The following ESCO1 variants were observed in gnomAD, a reference collection of about 807,000 sequenced individuals.
The protein encoded by ESCO1 is N-acetyltransferase ESCO1.
Under a neutral mutation model 83.5 loss-of-function variants are expected in ESCO1, and 33 were observed. That is an observed-to-expected ratio of 0.40 (90% CI 0.30 to 0.53). The LOEUF (loss-of-function observed/expected upper bound fraction) is 0.53. ESCO1 is among the 20% of genes least tolerant of loss of function. ESCO1 has a pLI of 0.63. For missense variants in ESCO1, 855 were observed against 968.0 expected, an observed-to-expected ratio of 0.88 and a Z score of 1.55; for synonymous variants, 332 against 324.3, an observed-to-expected ratio of 1.02 and a Z score of -0.25.
chr18:21,564,673 GGCGTGAGCCACCGCGCCC>G (rs2146202057), intron 6 of ESCO1, among the ~76,000 whole-genome samples: 1 of 152,052 alleles, frequency 6.6e-6, no homozygotes, highest in South Asian at 2.1e-4. Flanking sequence ...TGGGATTACA[GGCGTGAGCCACCGCGCCC>G]GGCAAAAATA....
At chr18:21,596,670 A>C (rs970614772) in intron 1 of ESCO1, among the ~76,000 whole-genome samples, 1 of 152,006 alleles carries the variant, frequency 6.6e-6, no homozygotes, top group African/African-American at 2.4e-5. Context: ...CCGTCTCCAC[A>C]AAAATATAAA....
chr18:21,537,197 G>A (rs1027070908), intron 9 of ESCO1, among the ~76,000 whole-genome samples: 3 of 152,160 alleles, frequency 2.0e-5, no homozygotes, highest in African/African-American at 7.2e-5. Flanking sequence ...ACTGTTTGCA[G>A]GCAACCAAAA....
intron 6 of ESCO1, among the ~76,000 whole-genome samples, 172 bp downstream of exon 6, chr18:21,565,974 T>C (rs2038254420): frequency 6.6e-6 from 1 of 151,630 alleles, no homozygotes; most frequent in Admixed American, 6.6e-5. Flanking sequence ...GGTAGTAGGG[T>C]AGAAAAAATG....
chr18:21,530,571 T>G, intron 11 of ESCO1, 81 bp from the exon 12 acceptor site: 14 of 1,329,830 alleles, frequency 1.1e-5, no homozygotes, highest in Non-Finnish European at 1.0e-5. Flanking sequence ...AAAACTGGAA[T>G]AACCTGTCAA....
At chr18:21,598,672 A>T (rs1447354273) in intron 1 of ESCO1, among the ~76,000 whole-genome samples, 1 of 152,126 alleles carries the variant, frequency 6.6e-6, no homozygotes, top group Non-Finnish European at 1.5e-5. Context: ...ACTGCCCTCC[A>T]GCCCGGACGA....
intron 10 of ESCO1, among the ~76,000 whole-genome samples, chr18:21,535,390 T>C (rs12373236): frequency 7.7e-5 from 11 of 143,764 alleles, no homozygotes; most frequent in Non-Finnish European, 9.4e-5. Context: ...ATTTTTTTTT[T>C]TCTTTTTTTT....
At chr18:21,566,068 C>G in intron 6 of ESCO1, 78 bp downstream of exon 6, 3 of 1,354,800 alleles carry the variant, frequency 2.2e-6, no homozygotes, top group Non-Finnish European at 3.1e-6. Flanking sequence ...ACTAGCATAA[C>G]TTTTTAGGGA....
At chr18:21,541,196 TA>T (rs2037901161) in intron 8 of ESCO1, among the ~76,000 whole-genome samples, 1 of 152,250 alleles carries the variant, frequency 6.6e-6, no homozygotes, top group Admixed American at 6.5e-5. Context: ...TTATGATTGG[TA>T]AAATGTTCTC....
At position 21,574,735 on chromosome 18, in the gene ESCO1, T is replaced by G; in HGVS notation, c.109A>C (p.Lys37Gln). Reference sequence around the variant, plus strand: ...ATAGTCTCCTTTGGACCTGATTTTTTTGCTAGATTCTTTTGAGAATCCTGA... The same window carrying G: ...ATAGTCTCCTTTGGACCTGATTTTTGTGCTAGATTCTTTTGAGAATCCTGA... The part of the protein sequence containing the change: ...EIQDSQKNLA[K>Q]KSGPKETIKS... Residue 37 changes from lysine to glutamine, a missense_variant, in exon 4 of 12, where the codon AAA becomes CAA. By Grantham distance (53) the Lys-to-Gln change is moderately conservative. Around this residue, in one of 2 missense-constraint regions of ESCO1, gnomAD observed 726 missense variants for 699.5 expected, o/e 1.04. Transcript: ENST00000269214. The G allele has an allele frequency of 6.2e-7, 1 of 1,611,186 alleles. No homozygotes were observed. Among genetic ancestry groups the G allele is most frequent in the South Asian group, 1.1e-5 (1 of 90,806 alleles).
At chr18:21,591,373 G>A (rs2038665442) in intron 1 of ESCO1, among the ~76,000 whole-genome samples, 1 of 152,198 alleles carries the variant, frequency 6.6e-6, no homozygotes, top group Non-Finnish European at 1.5e-5. Flanking sequence ...ATTGTTTTAA[G>A]CCATCAGGTT....
At chr18:21,550,872 G>A (rs1409947152) in intron 8 of ESCO1, among the ~76,000 whole-genome samples, 1 of 152,068 alleles carries the variant, frequency 6.6e-6, no homozygotes, top group Non-Finnish European at 1.5e-5. Context: ...CAGTACTTTC[G>A]GAGGCCGAGA....
At position 21,536,104 on chromosome 18, in the gene ESCO1, G is replaced by T; in HGVS notation, c.2125C>A (p.Leu709Ile). The T allele has an allele frequency of 6.2e-7, 1 of 1,614,114 alleles. No homozygotes were observed. The highest frequency in any genetic ancestry group is 8.5e-7 in the Non-Finnish European group (1 of 1,180,014). Reference protein sequence around the residue: ...PLMCYSRTKTLLFISNDKKVV... With the variant: ...PLMCYSRTKTILFISNDKKVV... ...TTTTTGTCATTGGAAATGAAGAGAAGTGTTTTAGTTCTGGAATAGCACATT... is the reference window on the plus strand; with the variant it reads ...TTTTTGTCATTGGAAATGAAGAGAATTGTTTTAGTTCTGGAATAGCACATT... Residue 709 changes from leucine (L) to isoleucine (I), a missense_variant, in exon 10 of 12, where the codon CTT (leucine) becomes ATT (isoleucine). Coordinates refer to ENST00000269214, the MANE Select transcript of ESCO1 (RefSeq NM_052911.3).
chr18:21,591,235 A>C (rs889512824), intron 1 of ESCO1, among the ~76,000 whole-genome samples: 1 of 152,248 alleles, frequency 6.6e-6, no homozygotes, highest in African/African-American at 2.4e-5. Context: ...GGAGACAGAC[A>C]CAGACAAGAG....
In ESCO1 at chr18:21,573,607, G is replaced by C; in HGVS notation, c.1237C>G (p.Pro413Ala). ...CTGGTTCGTAATAAGCCTAATTTAG[G>C]GGAAACTTGAGAGTCCAACTTATTG... ...QHNKLDSQVS[P>A]KLGLLRTSFS... The change falls in exon 4 of 12, where the codon CCT becomes GCT. Residue 413 changes from proline (P) to alanine (A), a missense_variant. Transcript: ENST00000269214. The C allele has an allele frequency of 6.2e-7, 1 of 1,614,074 alleles. No homozygotes were observed. Among genetic ancestry groups the C allele is most frequent in the Non-Finnish European group, 8.5e-7 (1 of 1,180,008 alleles).
chr18:21,576,442 G>C (rs899020386), intron 2 of ESCO1, among the ~76,000 whole-genome samples: 1 of 152,160 alleles, frequency 6.6e-6, no homozygotes, highest in Admixed American at 6.6e-5. Flanking sequence ...GTTGAAGGTT[G>C]CAGTAAGCTA....
chr18:21,541,653 G>A (rs1439065827), intron 8 of ESCO1, among the ~76,000 whole-genome samples: 1 of 150,476 alleles, frequency 6.6e-6, no homozygotes, highest in Non-Finnish European at 1.5e-5. Context: ...CTGAATATAG[G>A]TAAACAATTT....
rs1303506489 is a variant in ESCO1 at position 21,598,701 on chromosome 18, C to CA, written c.-825+1921dup. 3.2e-3 allele frequency among the ~76,000 whole-genome samples: 401 copies of CA among 124,624 alleles called. 2 individuals carry two copies. The highest frequency in any genetic ancestry group is 0.021 in the Middle Eastern group (5 of 236). 81.8% of individuals were successfully genotyped at this position (124,624 alleles called of 152,430 possible). On this transcript the variant is annotated intron_variant, in intron 1 of 11. Coordinates refer to ENST00000269214, the MANE Select transcript of ESCO1 (RefSeq NM_052911.3). ...CGGACGACAGAGTGAGACTCCATCT[C>CA]AAAAAAAAAAAACAAACAATTACTT... is the stretch of plus-strand genomic sequence containing the variant.
rs139612538 is a variant in ESCO1, at chr18:21,531,254, C to T, written c.2376-764G>A. 7.2e-3 allele frequency among the ~76,000 whole-genome samples: 1,082 copies of T among 151,064 alleles called. 8 individuals carry two copies. The Middle Eastern group carries it at 0.076, about 11-fold the overall frequency. The stretch of plus-strand genomic sequence containing the variant: ...CCCAAGAGTTCAAGGCCAGCCCAGG[C>T]GACATAGCAAGACTCCGACTGTACC... On this transcript the variant is annotated intron_variant, in intron 11 of 11. Coordinates refer to ENST00000269214, the MANE Select transcript of ESCO1 (RefSeq NM_052911.3).
At chr18:21,534,026 C>T (rs1398026634) in intron 10 of ESCO1, among the ~76,000 whole-genome samples, 1 of 152,160 alleles carries the variant, frequency 6.6e-6, no homozygotes, top group Non-Finnish European at 1.5e-5. Context: ...AGCAGTCCTC[C>T]GATCTAAGCC....
Sources: allele counts gnomAD v4.1 joint callset (sites outside exome capture counted in the v4.1 genomes callset), GRCh38; gene constraint gnomAD v4.1.1; regional missense constraint gnomAD v4.1.1; transcripts MANE v1.5; gene names NCBI Gene and HGNC (gene_info 2026-07-23, HGNC 2026-07-21).